Variants in MAP1LC3B observed in about 807,000 individuals in gnomAD.
MAP1LC3B encodes the protein microtubule-associated protein 1 light chain 3 beta.
In MAP1LC3B, 12 loss-of-function variants were observed where a neutral mutation model predicts 16.7. The ratio of observed to expected loss-of-function variants is 0.72; its 90% CI spans 0.46 to 1.16. The LOEUF is 1.16. Among genes scored for constraint, MAP1LC3B ranks in the 50% most tolerant of loss-of-function variants. The pLI, the probability that MAP1LC3B is intolerant of heterozygous loss-of-function variation, is 0.00. For synonymous variants in MAP1LC3B, 63 were observed against 56.5 expected (o/e 1.11, Z -0.51); for missense variants, 155 against 159.5 (o/e 0.97, Z 0.15).
intron 1 of MAP1LC3B, among the ~76,000 whole-genome samples, chr16:87,397,454 A>G (rs1420049181): frequency 6.6e-6 from 1 of 152,056 alleles, no homozygotes; most frequent in Admixed American, 6.5e-5. Flanking sequence ...CGTCTCTACT[A>G]AAAATACAAA....
chr16:87,397,638 AT>A lies in MAP1LC3B; in HGVS notation c.41-1169del, dbSNP rs1185534340. 3.3e-5 allele frequency among the ~76,000 whole-genome samples: 5 copies of A among 151,980 alleles called. 1 individual carries two copies. Among genetic ancestry groups the A allele is most frequent in the South Asian group, 4.2e-4 (2 of 4,806 alleles). On this transcript the variant is annotated intron_variant, in intron 1 of 3. Transcript: ENST00000268607. ...GTCTCAAAAAAAGAATGATACTAAAATTTTTTTTAATCCAAATGAGATTGGC... is the reference window on the plus strand; with the variant it reads ...GTCTCAAAAAAAGAATGATACTAAAATTTTTTTAATCCAAATGAGATTGGC...
chr16:87,396,361 G>C (rs1907804418), intron 1 of MAP1LC3B, among the ~76,000 whole-genome samples: 1 of 151,764 alleles, frequency 6.6e-6, no homozygotes, highest in South Asian at 2.1e-4. Flanking sequence ...TGTAGTCCCA[G>C]CTACTTGGGA....
Position 87,404,578 on chromosome 16 carries a change from A to T in MAP1LC3B, c.*1481A>T, listed in dbSNP as rs1293082641. On this transcript the variant is annotated 3_prime_UTR_variant, in exon 4 of 4. Coordinates refer to ENST00000268607, the MANE Select transcript of MAP1LC3B (RefSeq NM_022818.5). ...TTCTTAACTGGACTGTCTCGTTTAG[A>T]CTGTATACATCATATCTGACATTAT... 1.3e-5 allele frequency: 2 copies of T among 152,002 alleles called. No individual in the cohort carries two copies. The highest frequency in any genetic ancestry group is 2.9e-5 in the Non-Finnish European group (2 of 68,006). The allele number at this position is 152,002 out of a possible 1,614,324, so 9.4% of individuals were successfully genotyped here. A position where few individuals can be genotyped will look rare whatever the true frequency, so the allele number is the denominator to read the frequency against.
At chr16:87,402,487 A>G (rs1328957099) in intron 3 of MAP1LC3B, 1 of 585,582 alleles carries the variant, frequency 1.7e-6, no homozygotes, top group East Asian at 2.9e-5. Flanking sequence ...TACTTGCTAG[A>G]CTGCAGAGCC....
At chr16:87,401,016 C>G (rs994140459) in intron 2 of MAP1LC3B, among the ~76,000 whole-genome samples, 2 of 151,630 alleles carry the variant, frequency 1.3e-5, no homozygotes, top group African/African-American at 4.8e-5. Context: ...GCCTGTAATC[C>G]CAGCTACTCA....
chr16:87,395,493 T>C (rs1381838147), intron 1 of MAP1LC3B, among the ~76,000 whole-genome samples: 2 of 152,228 alleles, frequency 1.3e-5, no homozygotes, highest in African/African-American at 4.8e-5. Flanking sequence ...TTCTATGCCA[T>C]TGACTGTGCT....
chr16:87,399,320 A>T (rs192409384), intron 2 of MAP1LC3B: 88 of 256,542 alleles, frequency 3.4e-4, no homozygotes, highest in African/African-American at 1.9e-3. Flanking sequence ...TCAGGTGCCA[A>T]GATTTCTGTA....
intron 1 of MAP1LC3B, among the ~76,000 whole-genome samples, chr16:87,398,552 C>T (rs1907882325): frequency 2.6e-5 from 4 of 152,204 alleles, no homozygotes; most frequent in Non-Finnish European, 5.9e-5. Context: ...GCTCCCAATT[C>T]CTTGAAACTA....
At position 87,392,483 on chromosome 16, in the gene MAP1LC3B, A is replaced by T; in HGVS notation, c.40+16A>T. On this transcript the variant is annotated intron_variant, in intron 1 of 3. Transcript: ENST00000268607. ...CGCACCTTCGGTGAGTGTCGCCGCG[A>T]GGGCGGCGGGTGCGGCGGGGCCGGG... 7.7e-7 allele frequency: 1 copy of T among 1,290,730 alleles called. No homozygotes were observed. The highest frequency in any genetic ancestry group is 1.6e-5 in the African/African-American group (1 of 63,618). 80.0% of individuals were successfully genotyped at this position (1,290,730 alleles called of 1,614,324 possible). A position where few individuals can be genotyped will look rare whatever the true frequency, so the allele number is the denominator to read the frequency against.
rs1257702625 is a variant in MAP1LC3B, at chr16:87,392,413, C to A, written c.-15C>A. ...CTCGCGTCGTCGCCGCCGCCGCCGCCCAGATCCCTGCACCATGCCGTCGGA... is the reference window on the plus strand; with the variant it reads ...CTCGCGTCGTCGCCGCCGCCGCCGCACAGATCCCTGCACCATGCCGTCGGA... On this transcript the variant is annotated 5_prime_UTR_variant, in exon 1 of 4. Transcript: ENST00000268607. The A allele has an allele frequency of 7.0e-7, 1 of 1,429,088 alleles. No individual in the cohort carries two copies. Among genetic ancestry groups the A allele is most frequent in the South Asian group, 1.4e-5 (1 of 70,964 alleles). The allele number at this position is 1,429,088 out of a possible 1,614,324, so 88.5% of individuals were successfully genotyped here.
Position 87,404,677 on chromosome 16 carries a change from G to A in MAP1LC3B, c.*1580G>A, listed in dbSNP as rs1908116866. On this transcript the variant is annotated 3_prime_UTR_variant, in exon 4 of 4. Transcript: ENST00000268607. ...TAAGAAAAAAAATAACATGCTGAGG[G>A]GTGACCTATATCCCATGTGAGTGGT... 1 of 152,066 alleles carries A rather than the reference G, an allele frequency of 6.6e-6. No individual in the cohort carries two copies. The highest frequency in any genetic ancestry group is 1.5e-5 in the Non-Finnish European group (1 of 68,012). 9.4% of individuals were successfully genotyped at this position (152,066 alleles called of 1,614,324 possible).
At chr16:87,399,086 G>A in intron 2 of MAP1LC3B, 1 of 542,220 alleles carries the variant, frequency 1.8e-6, no homozygotes, top group Non-Finnish European at 3.3e-6. Flanking sequence ...GCTCAGTGCA[G>A]TCTCAGCCAC....
At chr16:87,393,585 C>T (rs1567498046) in intron 1 of MAP1LC3B, among the ~76,000 whole-genome samples, 1 of 152,166 alleles carries the variant, frequency 6.6e-6, no homozygotes. Context: ...GCTTGCCAAG[C>T]ATATCTTTTC....
At position 87,404,589 on chromosome 16, in the gene MAP1LC3B, C is replaced by A. The variant is rs1208767201; in HGVS notation, c.*1492C>A. 2 of 152,044 alleles carry A rather than the reference C, an allele frequency of 1.3e-5. No individual in the cohort carries two copies. Among genetic ancestry groups the A allele is most frequent in the Non-Finnish European group, 2.9e-5 (2 of 68,020 alleles). The allele number at this position is 152,044 out of a possible 1,614,324, so 9.4% of individuals were successfully genotyped here. On this transcript the variant is annotated 3_prime_UTR_variant, in exon 4 of 4. Transcript: ENST00000268607. ...ACTGTCTCGTTTAGACTGTATACAT[C>A]ATATCTGACATTATTGTAACTACCG...
chr16:87,395,752 T>C (rs190582856), intron 1 of MAP1LC3B, among the ~76,000 whole-genome samples: 5 of 152,244 alleles, frequency 3.3e-5, no homozygotes. Context: ...CATTTTTGTC[T>C]TTTTAGGTCG....
At chr16:87,394,105 A>AT (rs1016495429) in intron 1 of MAP1LC3B, among the ~76,000 whole-genome samples, 40 of 151,968 alleles carry the variant, frequency 2.6e-4, no homozygotes, top group African/African-American at 8.0e-4. Context: ...ATAATGCCCC[A>AT]TTTTTTTCCC....
chr16:87,396,291 T>A (rs1435521813), intron 1 of MAP1LC3B, among the ~76,000 whole-genome samples: 1 of 151,120 alleles, frequency 6.6e-6, no homozygotes, highest in East Asian at 2.0e-4. Context: ...CTGGCTAACA[T>A]GATGAAACCC....
chr16:87,396,023 G>GCT, intron 1 of MAP1LC3B, among the ~76,000 whole-genome samples: 1 of 151,478 alleles, frequency 6.6e-6, no homozygotes, highest in East Asian at 2.0e-4. Context: ...ATCACGCCCA[G>GCT]CTAATTTTTG....
intron 1 of MAP1LC3B, chr16:87,393,061 G>A (rs980304): frequency 0.45 from 68,259 of 152,208 alleles, 17,091 homozygotes; most frequent in East Asian, 1. Flanking sequence ...CGCCCGGGAC[G>A]GCCCACAGCG....
Sources: gnomAD v4.1 joint callset for allele counts (sites outside exome capture counted in the v4.1 genomes callset) on GRCh38, gnomAD v4.1.1 for gene constraint, MANE v1.5 for transcripts, NCBI Gene and HGNC (gene_info 2026-07-23, HGNC 2026-07-21) for gene names.